MAD1L1: variants seen among roughly 807,000 people sequenced by gnomAD.
MAD1L1 encodes mitotic spindle assembly checkpoint protein MAD1.
In MAD1L1, 95 loss-of-function variants were observed where a neutral mutation model predicts 96.9. The observed-to-expected ratio is 0.98, with a 90% CI of 0.83 to 1.16. The LOEUF (loss-of-function observed/expected upper bound fraction) is 1.16, where lower values mean the gene tolerates loss of function less well. Ranked by LOEUF, MAD1L1 falls within the 50% of genes most tolerant of loss-of-function variation. The pLI is 0.00. For synonymous variants in MAD1L1, 473 were observed against 396.6 expected (o/e 1.19, Z -2.29); for missense variants, 1,007 against 954.4 (o/e 1.06, Z -0.73).
At chr7:2,074,184 G>A (rs1479157906) in intron 11 of MAD1L1, among the ~76,000 whole-genome samples, 1 of 152,172 alleles carries the variant, frequency 6.6e-6, no homozygotes, top group Non-Finnish European at 1.5e-5. Context: ...GAACACCGCA[G>A]CCAGCCTGGG....
rs114884432 is a variant in MAD1L1, at chr7:2,118,864, C to T, written c.1073+30288G>A. ...AGACACGTCCCTAGCATTCCACAGC[C>T]GTCTGGGTCACAGCCTGCTCTCAGA... On this transcript the variant is annotated intron_variant, in intron 11 of 18. Coordinates refer to ENST00000265854, the MANE Select transcript of MAD1L1 (RefSeq NM_001013836.2). Among the ~76,000 whole-genome samples, 365 of 152,332 alleles carry T rather than the reference C, an allele frequency of 2.4e-3. 2 individuals carry two copies. The highest frequency in any genetic ancestry group is 8.2e-3 in the African/African-American group (339 of 41,580).
intron 16 of MAD1L1, among the ~76,000 whole-genome samples, chr7:1,939,100 CGGGCCA>C (rs1234545917): frequency 2.5e-5 from 3 of 119,520 alleles, no homozygotes; most frequent in Non-Finnish European, 3.4e-5. Flanking sequence ...CACACACACA[CGGGCCA>C]GGGCCAGAGG....
At chr7:1,826,436 G>A (rs1782398484) in intron 18 of MAD1L1, among the ~76,000 whole-genome samples, 1 of 152,086 alleles carries the variant, frequency 6.6e-6, no homozygotes, top group Non-Finnish European at 1.5e-5. Flanking sequence ...CCCATGGCCG[G>A]CCCAGCCCCA....
chr7:2,167,339 A>T (rs1019278868), intron 10 of MAD1L1, among the ~76,000 whole-genome samples: 7 of 150,968 alleles, frequency 4.6e-5, no homozygotes, highest in Non-Finnish European at 7.4e-5. Flanking sequence ...CGAGCTCAGG[A>T]GATAGAGACC....
intron 10 of MAD1L1, among the ~76,000 whole-genome samples, chr7:2,190,196 A>T (rs907742294): frequency 1.3e-5 from 2 of 152,344 alleles, no homozygotes; most frequent in African/African-American, 4.8e-5. Context: ...ACCATACTGG[A>T]GAAAGGACAG....
intron 18 of MAD1L1, among the ~76,000 whole-genome samples, chr7:1,825,765 CAG>C: frequency 6.6e-6 from 1 of 152,298 alleles, no homozygotes; most frequent in Non-Finnish European, 1.5e-5. Flanking sequence ...CATCAGGGTC[CAG>C]AGGTGATAAA....
chr7:2,152,090 G>C (rs1234003300), intron 10 of MAD1L1, among the ~76,000 whole-genome samples: 2 of 152,190 alleles, frequency 1.3e-5, no homozygotes, highest in African/African-American at 2.4e-5. Context: ...CCCCAGGCAG[G>C]AACAGAGAGC....
At chr7:1,893,426 A>G (rs985337419) in intron 18 of MAD1L1, among the ~76,000 whole-genome samples, 1 of 152,192 alleles carries the variant, frequency 6.6e-6, no homozygotes, top group Admixed American at 6.5e-5. Context: ...TTTCTGCCTG[A>G]AGAATCATTT....
intron 12 of MAD1L1, among the ~76,000 whole-genome samples, chr7:2,045,429 C>A (rs1284581497): frequency 6.6e-6 from 1 of 152,168 alleles, no homozygotes; most frequent in East Asian, 1.9e-4. Flanking sequence ...CAGCACTCTG[C>A]GTGTACATAG....
chr7:2,130,884 G>A (rs145730997), intron 11 of MAD1L1, among the ~76,000 whole-genome samples: 38 of 152,290 alleles, frequency 2.5e-4, no homozygotes, highest in Middle Eastern at 3.4e-3. Flanking sequence ...AAAGGCCACC[G>A]CATCGAATCC....
intron 12 of MAD1L1, among the ~76,000 whole-genome samples, chr7:2,043,769 C>A (rs866300739): frequency 7.9e-5 from 12 of 152,362 alleles, no homozygotes; most frequent in Middle Eastern, 3.4e-3. Flanking sequence ...CCCAGGGAGC[C>A]CTGAGGCAGG....
At chr7:1,883,668 T>C (rs1418120976) in intron 18 of MAD1L1, among the ~76,000 whole-genome samples, 9 of 152,202 alleles carry the variant, frequency 5.9e-5, no homozygotes, top group Admixed American at 5.9e-4. Flanking sequence ...GAGGGTACCG[T>C]GGCTGGGGTC....
intron 12 of MAD1L1, among the ~76,000 whole-genome samples, chr7:2,038,226 A>C (rs1783524081): frequency 6.6e-6 from 1 of 152,184 alleles, no homozygotes; most frequent in African/African-American, 2.4e-5. Flanking sequence ...TGGGTTCATG[A>C]GGTTTACATT....
At chr7:2,152,226 C>T (rs1178155374) in intron 10 of MAD1L1, among the ~76,000 whole-genome samples, 1 of 152,232 alleles carries the variant, frequency 6.6e-6, no homozygotes, top group African/African-American at 2.4e-5. Flanking sequence ...TCCCTAGGCC[C>T]CCAGATCCCT....
In MAD1L1 at chr7:1,954,230, C is replaced by A. The variant is rs1374861064; in HGVS notation, c.1596+3399G>T. On this transcript the variant is annotated intron_variant, in intron 16 of 18. Transcript: ENST00000265854. Reference sequence around the variant, plus strand: ...CTGGTTCACCAGGTATGTGCAGGGCCCCCCAGGAGCCATCACCGGAGATCT... The same window carrying A: ...CTGGTTCACCAGGTATGTGCAGGGCACCCCAGGAGCCATCACCGGAGATCT... 2.0e-5 allele frequency among the ~76,000 whole-genome samples: 3 copies of A among 152,130 alleles called. No individual in the cohort carries two copies. In the East Asian group the frequency reaches 5.8e-4, roughly 29 times the overall value.
rs564232976 is a variant in MAD1L1 at position 1,962,483 on chromosome 7, C to A, written c.1506-4764G>T. Among the ~76,000 whole-genome samples, 5 of 152,308 alleles carry A rather than the reference C, an allele frequency of 3.3e-5. No individual in the cohort carries two copies. The East Asian group carries it at 9.6e-4, about 29-fold the overall frequency. ...TGGACTTTATCATAAAAAAACTTCT[C>A]TTCAAAATACCTGATGAAAGAACGA... On this transcript the variant is annotated intron_variant, in intron 15 of 18. Transcript: ENST00000265854.
chr7:1,882,406 C>T (rs375232291), intron 18 of MAD1L1, among the ~76,000 whole-genome samples: 2 of 152,330 alleles, frequency 1.3e-5, no homozygotes, highest in East Asian at 3.9e-4. Context: ...GTGTAGACCT[C>T]ATTGCTCCAG....
intron 18 of MAD1L1, among the ~76,000 whole-genome samples, chr7:1,837,476 C>T (rs1782994442): frequency 6.6e-6 from 1 of 152,186 alleles, no homozygotes. Context: ...AATAAATGTC[C>T]GTGCAAAGCT....
chr7:1,828,603 C>T (rs1184978920), intron 18 of MAD1L1, among the ~76,000 whole-genome samples: 2 of 152,212 alleles, frequency 1.3e-5, no homozygotes, highest in Non-Finnish European at 2.9e-5. Context: ...CTGCCCTGCT[C>T]CCACCTCACA....
Sources: gnomAD v4.1 joint callset for allele counts (sites outside exome capture counted in the v4.1 genomes callset) on GRCh38, gnomAD v4.1.1 for gene constraint, MANE v1.5 for transcripts, NCBI Gene and HGNC (gene_info 2026-07-23, HGNC 2026-07-21) for gene names.